IL4R: variants seen among roughly 807,000 people sequenced by gnomAD.
The protein encoded by IL4R is interleukin 4 receptor.
IL4R carries 17 observed loss-of-function variants against 41.5 expected under a neutral mutation model. The ratio of observed to expected loss-of-function variants is 0.41; its 90% CI spans 0.28 to 0.61. The LOEUF (loss-of-function observed/expected upper bound fraction) is 0.61. IL4R is among the 20% of genes least tolerant of loss of function. The pLI is 0.31. For missense variants in IL4R, 974 were observed against 1,043.1 expected, an observed-to-expected ratio of 0.93 and a Z score of 0.91; for synonymous variants, 402 against 422.9, an observed-to-expected ratio of 0.95 and a Z score of 0.61.
chr16:27,332,435 A>G (rs958175947), intron 2 of IL4R, among the ~76,000 whole-genome samples: 2 of 152,056 alleles, frequency 1.3e-5, no homozygotes, highest in African/African-American at 2.4e-5. Context: ...CCGTAATCTA[A>G]TCACCTCCCA....
chr16:27,329,113 G>C (rs1162823010), intron 1 of IL4R, among the ~76,000 whole-genome samples: 2 of 151,986 alleles, frequency 1.3e-5, no homozygotes, highest in African/African-American at 4.8e-5. Flanking sequence ...ACAAGATCTG[G>C]TTGTTTAGAA....
chr16:27,313,823 CG>C, upstream of IL4R: 16 of 760,388 alleles, frequency 2.1e-5, no homozygotes, highest in Non-Finnish European at 2.4e-5. Context: ...GCGAGGTGGC[CG>C]GGACCCGGGC....
chr16:27,322,250 G>A (rs571227436), intron 1 of IL4R, among the ~76,000 whole-genome samples: 1 of 152,244 alleles, frequency 6.6e-6, no homozygotes, highest in East Asian at 1.9e-4. Context: ...CATATGAGTA[G>A]AATAAGGGTT....
intron 8 of IL4R, among the ~76,000 whole-genome samples, chr16:27,356,401 A>G (rs2086081719): frequency 6.6e-6 from 1 of 151,686 alleles, no homozygotes; most frequent in African/African-American, 2.4e-5. Context: ...AGGACTCCAC[A>G]TTTCTAAAAC....
intron 1 of IL4R, among the ~76,000 whole-genome samples, chr16:27,328,905 C>T (rs2085036714): frequency 6.6e-6 from 1 of 152,082 alleles, no homozygotes; most frequent in South Asian, 2.1e-4. Flanking sequence ...TATATTAAGG[C>T]CATTAACCGT....
intron 10 of IL4R, 140 bp from the exon 11 acceptor site, chr16:27,362,112 C>A: frequency 1.2e-6 from 1 of 833,568 alleles, no homozygotes; most frequent in Non-Finnish European, 1.9e-6. Context: ...ATAGACTGAT[C>A]AATTACTGAT....
At chr16:27,359,129 A>G (rs1037345680) in intron 9 of IL4R, 135 bp downstream of exon 9, 3 of 698,298 alleles carry the variant, frequency 4.3e-6, no homozygotes, top group Non-Finnish European at 7.7e-6. Context: ...CAGGGGAGAC[A>G]GAGACAGAAG....
At chr16:27,329,055 G>A (rs756884494) in intron 1 of IL4R, among the ~76,000 whole-genome samples, 21 of 152,140 alleles carry the variant, frequency 1.4e-4, no homozygotes, top group Non-Finnish European at 2.5e-4. Flanking sequence ...TCATGGGGAC[G>A]GGTCCCTCAT....
At chr16:27,361,372 G>C (rs567552616) in intron 10 of IL4R, among the ~76,000 whole-genome samples, 6 of 151,984 alleles carry the variant, frequency 3.9e-5, no homozygotes, top group African/African-American at 1.4e-4. Flanking sequence ...ACTTGAACCC[G>C]GGAGGCAGAG....
At chr16:27,335,472 A>T (rs1325621008) in intron 2 of IL4R, among the ~76,000 whole-genome samples, 1 of 152,068 alleles carries the variant, frequency 6.6e-6, no homozygotes, top group Non-Finnish European at 1.5e-5. Flanking sequence ...GGCTCAAGCC[A>T]TCCTCCTGCC....
At chr16:27,325,743 G>A (rs2084939646) in intron 1 of IL4R, among the ~76,000 whole-genome samples, 1 of 152,094 alleles carries the variant, frequency 6.6e-6, no homozygotes. Context: ...AGTGCCTGCT[G>A]TATGTCGGGC....
At chr16:27,344,364 CAA>C (rs34638911) in intron 4 of IL4R, among the ~76,000 whole-genome samples, 38,454 of 112,644 alleles carry the variant, frequency 0.34, 5,444 homozygotes, top group East Asian at 0.54. Context: ...TACAAATAAC[CAA>C]AAAAAAAAAA....
chr16:27,342,312 C>T, intron 4 of IL4R, 53 bp downstream of exon 4: 1 of 1,607,524 alleles, frequency 6.2e-7, no homozygotes, highest in South Asian at 1.1e-5. Flanking sequence ...AAAGGGTTTG[C>T]CCCAAGAGTG....
chr16:27,314,534 G>C lies in IL4R; in HGVS notation c.-152+514G>C, dbSNP rs571325600. On this transcript the variant is annotated intron_variant, in intron 1 of 10. Transcript: ENST00000395762. ...TTGACTGGGACTTGTTTTACTGAAAGGATGCCAAGTGAAACCTCCCACTAA... is the reference window on the plus strand; with the variant it reads ...TTGACTGGGACTTGTTTTACTGAAACGATGCCAAGTGAAACCTCCCACTAA... Among the ~76,000 whole-genome samples, 29 of 152,344 alleles carry C rather than the reference G, an allele frequency of 1.9e-4. No homozygotes were observed. The South Asian group carries it at 5.2e-3, about 27-fold the overall frequency.
chr16:27,346,646 T>A, intron 6 of IL4R, 28 bp downstream of exon 6: 1 of 1,612,502 alleles, frequency 6.2e-7, no homozygotes, highest in African/African-American at 1.3e-5. Flanking sequence ...GACGTTTTTC[T>A]GTGACCTCTG....
chr16:27,348,048 A>G (rs2085717665), intron 6 of IL4R, among the ~76,000 whole-genome samples: 1 of 152,232 alleles, frequency 6.6e-6, no homozygotes, highest in Non-Finnish European at 1.5e-5. Context: ...CCAGGGGCCC[A>G]GGCTGGGCCT....
rs3024679 is a variant in IL4R at position 27,363,749 on chromosome 16, T to C, written c.2397T>C (p.Pro799=). ...CCTCATCATCCTTCCATCCTGCCCC[T>C]GGCAATGCTCAGAGCTCAAGCCAGA... ...SKSSSSFHPA[P]GNAQSSSQTP... The change falls in exon 11 of 11, where the codon CCT becomes CCC. Residue 799 remains proline, a synonymous_variant. Coordinates refer to ENST00000395762, the MANE Select transcript of IL4R (RefSeq NM_000418.4). 7.9e-3 allele frequency: 12,700 copies of C among 1,613,188 alleles called. 644 individuals carry two copies. The African/African-American group carries it at 0.13, about 16-fold the overall frequency.
At chr16:27,314,339 G>GC (rs372085971) in intron 1 of IL4R, 2,188 of 155,286 alleles carry the variant, frequency 0.014, 34 homozygotes, top group Middle Eastern at 0.047. Flanking sequence ...AGGCCACGCA[G>GC]CCCCTCTTCT....
In IL4R at chr16:27,337,026, G is replaced by A. The variant is rs373546532; in HGVS notation, c.-18-3160G>A. ...TGGGAGGCGGAGGTTGCAGTGAGCC[G>A]AGATCGCGCCATTGCACTCCAGCCT... On this transcript the variant is annotated intron_variant, in intron 2 of 10. Transcript: ENST00000395762. Among the ~76,000 whole-genome samples the A allele has an allele frequency of 3.5e-4, 54 of 152,178 alleles. No homozygotes were observed. In the South Asian group the frequency reaches 7.7e-3, roughly 22 times the overall value.
Sources: allele counts gnomAD v4.1 joint callset (sites outside exome capture counted in the v4.1 genomes callset), GRCh38; gene constraint gnomAD v4.1.1; transcripts MANE v1.5; gene names NCBI Gene and HGNC (gene_info 2026-07-23, HGNC 2026-07-21).